Variants in ZDHHC14 observed in about 807,000 individuals in gnomAD.
The protein encoded by ZDHHC14 is zDHHC palmitoyltransferase 14, also known as palmitoyltransferase ZDHHC14.
A neutral mutation model predicts 47.7 loss-of-function variants in ZDHHC14; 16 were observed. The observed-to-expected ratio is 0.34, with a 90% CI of 0.23 to 0.51. The LOEUF is 0.51. Ranked by LOEUF, ZDHHC14 falls within the 20% of genes least tolerant of loss-of-function variation. ZDHHC14 has a pLI of 0.97. For synonymous variants in ZDHHC14, 293 were observed against 278.9 expected (o/e 1.05, Z -0.50); for missense variants, 515 against 662.5 (o/e 0.78, Z 2.44).
intron 5 of ZDHHC14, among the ~76,000 whole-genome samples, chr6:157,634,992 CT>C (rs112627001): frequency 0.016 from 2,292 of 145,152 alleles, 25 homozygotes; most frequent in African/African-American, 0.037. Flanking sequence ...GCTACCTGGT[CT>C]TTTTTTTTTT....
In ZDHHC14 at chr6:157,395,327, A is replaced by ATTTT. The variant is rs566892431; in HGVS notation, c.245+13076_245+13079dup. Among the ~76,000 whole-genome samples the ATTTT allele has an allele frequency of 5.0e-4, 66 of 133,202 alleles. 1 individual carries two copies. The highest frequency in any genetic ancestry group is 1.5e-3 in the South Asian group (6 of 4,024). 87.4% of individuals were successfully genotyped at this position (133,202 alleles called of 152,430 possible). A position where few individuals can be genotyped will look rare whatever the true frequency, so the allele number is the denominator to read the frequency against. On this transcript the variant is annotated intron_variant, in intron 1 of 8. Transcript: ENST00000359775. ...AGGCACACACCACCACACCTAGCTA[A>ATTTT]TTTTTTTTTTTTTTTTTTAGTAGAG...
intron 1 of ZDHHC14, among the ~76,000 whole-genome samples, chr6:157,520,631 C>G (rs1780878730): frequency 6.6e-6 from 1 of 152,230 alleles, no homozygotes; most frequent in South Asian, 2.1e-4. Context: ...AGCACTAGCC[C>G]TAGCACCTGC....
intron 8 of ZDHHC14, among the ~76,000 whole-genome samples, chr6:157,667,313 C>A (rs898660821): frequency 1.3e-5 from 2 of 151,916 alleles, no homozygotes; most frequent in Non-Finnish European, 2.9e-5. Context: ...GTATGCACAG[C>A]CACCAAATTG....
Position 157,472,707 on chromosome 6 carries a change from A to G in ZDHHC14, c.246-69878A>G, listed in dbSNP as rs546891346. Among the ~76,000 whole-genome samples the G allele has an allele frequency of 6.6e-5, 10 of 152,322 alleles. No homozygotes were observed. In the East Asian group the frequency reaches 1.9e-3, roughly 29 times the overall value. ...CACATGCTCTAGAAGCAGTGACTCCACAAACTTACTACAGAAAAATGAAGA... is the reference window on the plus strand; with the variant it reads ...CACATGCTCTAGAAGCAGTGACTCCGCAAACTTACTACAGAAAAATGAAGA... On this transcript the variant is annotated intron_variant, in intron 1 of 8. Coordinates refer to ENST00000359775, the MANE Select transcript of ZDHHC14 (RefSeq NM_024630.3).
intron 1 of ZDHHC14, among the ~76,000 whole-genome samples, chr6:157,513,014 A>C (rs190767322): frequency 4.7e-4 from 71 of 152,356 alleles, no homozygotes; most frequent in African/African-American, 1.4e-3. Context: ...TGAAAAAGGC[A>C]TGTGTATCAC....
intron 5 of ZDHHC14, among the ~76,000 whole-genome samples, chr6:157,636,740 T>G (rs972797475): frequency 6.6e-6 from 1 of 152,112 alleles, no homozygotes. Flanking sequence ...AAGTGAGCAG[T>G]GTGGGCAGCA....
intron 1 of ZDHHC14, among the ~76,000 whole-genome samples, chr6:157,530,336 T>C (rs1009305260): frequency 6.6e-6 from 1 of 152,204 alleles, no homozygotes; most frequent in African/African-American, 2.4e-5. Context: ...TGTCACCATG[T>C]TTTAATGCAA....
intron 1 of ZDHHC14, among the ~76,000 whole-genome samples, chr6:157,405,204 G>T (rs1777716938): frequency 6.6e-6 from 1 of 152,060 alleles, no homozygotes; most frequent in Non-Finnish European, 1.5e-5. Context: ...TTTTTGCACC[G>T]CCAAAAGATC....
In ZDHHC14 at chr6:157,676,212, C is replaced by CCCCAGG. The variant is rs1265341114; in HGVS notation, c.*3090_*3091insCCCAGG. On this transcript the variant is annotated 3_prime_UTR_variant, in exon 9 of 9. Coordinates refer to ENST00000359775, the MANE Select transcript of ZDHHC14 (RefSeq NM_024630.3). ...GGCAGACAGACTGCATCCAGGAGGGCACAGTGACCTGTCACTCCGTTCTGC... is the reference window on the plus strand; with the variant it reads ...GGCAGACAGACTGCATCCAGGAGGGCCCCAGGACAGTGACCTGTCACTCCGTTCTGC... 6.6e-6 allele frequency: 1 copy of CCCCAGG among 152,230 alleles called. No homozygotes were observed. The highest frequency in any genetic ancestry group is 2.1e-4 in the South Asian group (1 of 4,828). 9.4% of individuals were successfully genotyped at this position (152,230 alleles called of 1,614,324 possible).
At chr6:157,453,359 C>T (rs1162142359) in intron 1 of ZDHHC14, among the ~76,000 whole-genome samples, 2 of 152,218 alleles carry the variant, frequency 1.3e-5, no homozygotes, top group Non-Finnish European at 2.9e-5. Context: ...ATCTCAGATA[C>T]TGCACAATAA....
At chr6:157,649,383 A>G (rs1777713301) in intron 7 of ZDHHC14, among the ~76,000 whole-genome samples, 1 of 152,322 alleles carries the variant, frequency 6.6e-6, no homozygotes, top group South Asian at 2.1e-4. Context: ...GAGCTTGGGC[A>G]GGGACATAGG....
rs544787922 is a variant in ZDHHC14 at position 157,427,141 on chromosome 6, A to C, written c.245+44875A>C. Among the ~76,000 whole-genome samples, 29 of 152,076 alleles carry C rather than the reference A, an allele frequency of 1.9e-4. No homozygotes were observed. The highest frequency in any genetic ancestry group is 6.3e-4 in the African/African-American group (26 of 41,486). ...CGTGCAGGGCGGAGGGACAAGGCTC[A>C]GGCGTAGACCTGGAGGGGCATCGGG... On this transcript the variant is annotated intron_variant, in intron 1 of 8. Transcript: ENST00000359775. The surrounding 1 kb of genome is among the most constrained non-coding windows in gnomAD (Gnocchi z 4.4).
rs34682776 is a variant in ZDHHC14 at position 157,586,700 on chromosome 6, AC to A, written c.407-6286del. ...GGCCCTCGGCAACCCCTGGTGCAGCACCGGCTTATAGTAAATCCTTCATAAA... is the reference window on the plus strand; with the variant it reads ...GGCCCTCGGCAACCCCTGGTGCAGCACGGCTTATAGTAAATCCTTCATAAA... On this transcript the variant is annotated intron_variant, in intron 2 of 8. Transcript: ENST00000359775. The surrounding 1 kb of genome is among the most constrained non-coding windows in gnomAD (Gnocchi z 4.6). Among the ~76,000 whole-genome samples the A allele has an allele frequency of 0.24, 35,889 of 152,102 alleles. 5,181 individuals are homozygous for A. Among genetic ancestry groups the A allele is most frequent in the East Asian group, 0.52 (2,675 of 5,144 alleles).
intron 2 of ZDHHC14, among the ~76,000 whole-genome samples, chr6:157,575,102 C>G (rs1783257795): frequency 6.6e-6 from 1 of 152,104 alleles, no homozygotes; most frequent in African/African-American, 2.4e-5. Context: ...GAGCCTGAAT[C>G]CTGCAGGGCA....
intron 3 of ZDHHC14, among the ~76,000 whole-genome samples, chr6:157,594,932 G>A (rs1211682915): frequency 6.6e-6 from 1 of 151,886 alleles, no homozygotes; most frequent in Non-Finnish European, 1.5e-5. Flanking sequence ...CCAGGCCTGT[G>A]ATGGGACAGT....
At chr6:157,563,230 C>T (rs1782776799) in intron 2 of ZDHHC14, among the ~76,000 whole-genome samples, 1 of 152,196 alleles carries the variant, frequency 6.6e-6, no homozygotes, top group African/African-American at 2.4e-5. Flanking sequence ...CCAGGCCTGC[C>T]CTCCCAGGAA....
At chr6:157,655,926 G>C (rs892488687) in intron 8 of ZDHHC14, among the ~76,000 whole-genome samples, 3 of 152,178 alleles carry the variant, frequency 2.0e-5, no homozygotes, top group African/African-American at 7.2e-5. Flanking sequence ...ATTAACAAAG[G>C]CTGTTTAATG....
intron 8 of ZDHHC14, among the ~76,000 whole-genome samples, chr6:157,655,521 T>A (rs1778045676): frequency 6.6e-6 from 1 of 152,222 alleles, no homozygotes; most frequent in Admixed American, 6.5e-5. Flanking sequence ...AAGTGCCCTG[T>A]AAGGACAGAG....
chr6:157,386,732 A>G (rs895519159), intron 1 of ZDHHC14, among the ~76,000 whole-genome samples: 10 of 152,318 alleles, frequency 6.6e-5, no homozygotes, highest in South Asian at 2.1e-4. Context: ...CTTTGCAGCT[A>G]TTAAGAGTCT....
Sources: allele counts gnomAD v4.1 joint callset (sites outside exome capture counted in the v4.1 genomes callset), GRCh38; gene constraint gnomAD v4.1.1; non-coding constraint Gnocchi (gnomAD v3.1); transcripts MANE v1.5; gene names NCBI Gene and HGNC (gene_info 2026-07-23, HGNC 2026-07-21).